BTBD9: variants seen among roughly 807,000 people sequenced by gnomAD.
The protein encoded by BTBD9 is BTB domain containing 9.
Under a neutral mutation model 64.3 loss-of-function variants are expected in BTBD9, and 49 were observed. The ratio of observed to expected loss-of-function variants is 0.76; its 90% CI spans 0.61 to 0.97. The LOEUF (loss-of-function observed/expected upper bound fraction) is 0.97. BTBD9 is among the 50% of genes least tolerant of loss of function. BTBD9 has a pLI of 0.00. For missense variants in BTBD9, 598 were observed against 762.1 expected (o/e 0.78, Z 2.53); for synonymous variants, 260 against 274.7 (o/e 0.95, Z 0.53).
At chr6:38,500,593 C>T (rs892168978) in intron 6 of BTBD9, among the ~76,000 whole-genome samples, 28 of 152,198 alleles carry the variant, frequency 1.8e-4, no homozygotes, top group African/African-American at 6.5e-4. Flanking sequence ...CAATTCTCTT[C>T]CATTAACTCT....
intron 6 of BTBD9, among the ~76,000 whole-genome samples, chr6:38,384,887 G>C (rs886824966): frequency 2.6e-5 from 4 of 151,904 alleles, no homozygotes; most frequent in Admixed American, 2.6e-4. Context: ...AGCAAGTTCT[G>C]TCCAGTGTTA....
At chr6:38,468,131 G>C (rs1429345946) in intron 6 of BTBD9, among the ~76,000 whole-genome samples, 1 of 151,818 alleles carries the variant, frequency 6.6e-6, no homozygotes, top group Non-Finnish European at 1.5e-5. Context: ...TTCCCACCTT[G>C]GCTTCCCGAA....
At chr6:38,430,916 AGCGTC>A in intron 6 of BTBD9, among the ~76,000 whole-genome samples, 1 of 151,978 alleles carries the variant, frequency 6.6e-6, no homozygotes, top group East Asian at 1.9e-4. Flanking sequence ...TACTCTTCTC[AGCGTC>A]ATTTGATGTG....
intron 9 of BTBD9, among the ~76,000 whole-genome samples, chr6:38,200,273 C>T (rs1036561711): frequency 1.3e-5 from 2 of 152,210 alleles, no homozygotes; most frequent in Non-Finnish European, 2.9e-5. Context: ...AAAAGCAGTA[C>T]TCAGAGGGAA....
chr6:38,553,094 G>A (rs1424432211), intron 6 of BTBD9, among the ~76,000 whole-genome samples: 1 of 152,124 alleles, frequency 6.6e-6, no homozygotes, highest in African/African-American at 2.4e-5. Context: ...TATGTATATA[G>A]TTGGTGCACT....
chr6:38,410,790 G>C (rs535233206), intron 6 of BTBD9, among the ~76,000 whole-genome samples: 39 of 152,246 alleles, frequency 2.6e-4, no homozygotes, highest in African/African-American at 8.7e-4. Flanking sequence ...CACTTTGGGA[G>C]GCTGAGGTGG....
chr6:38,417,800 G>GA (rs10694538), intron 6 of BTBD9, among the ~76,000 whole-genome samples: 5 of 142,932 alleles, frequency 3.5e-5, no homozygotes, highest in Non-Finnish European at 6.0e-5. Flanking sequence ...GAGAGAGAGA[G>GA]AAAAAAAATA....
At chr6:38,430,933 T>A (rs1208219462) in intron 6 of BTBD9, among the ~76,000 whole-genome samples, 1 of 152,014 alleles carries the variant, frequency 6.6e-6, no homozygotes, top group African/African-American at 2.4e-5. Flanking sequence ...TTTGATGTGG[T>A]TGACTTCTGT....
intron 7 of BTBD9, among the ~76,000 whole-genome samples, chr6:38,342,774 T>C (rs978364833): frequency 5.9e-5 from 9 of 152,116 alleles, no homozygotes; most frequent in African/African-American, 1.9e-4. Flanking sequence ...CAAGGACCAG[T>C]AGGGTGACTG....
chr6:38,245,435 G>T (rs912440170), intron 9 of BTBD9, among the ~76,000 whole-genome samples: 1 of 152,168 alleles, frequency 6.6e-6, no homozygotes, highest in Non-Finnish European at 1.5e-5. Context: ...CATGGCATGC[G>T]CAAAGGCTCT....
At chr6:38,573,280 TACA>T (rs1775861152) in intron 6 of BTBD9, among the ~76,000 whole-genome samples, 1 of 152,156 alleles carries the variant, frequency 6.6e-6, no homozygotes, top group African/African-American at 2.4e-5. Context: ...AGAAATTGAG[TACA>T]ACATTTCCAG....
chr6:38,412,792 G>C (rs1209618078), intron 6 of BTBD9, among the ~76,000 whole-genome samples: 1 of 152,122 alleles, frequency 6.6e-6, no homozygotes, highest in African/African-American at 2.4e-5. Flanking sequence ...CCAGGAGGTG[G>C]AGGTTGCAGT....
chr6:38,363,234 A>G (rs953028899), intron 6 of BTBD9, among the ~76,000 whole-genome samples: 3 of 152,126 alleles, frequency 2.0e-5, no homozygotes, highest in African/African-American at 4.8e-5. Context: ...GACTACAGGT[A>G]TGCACCACTG....
At chr6:38,245,959 G>C (rs537931817) in intron 9 of BTBD9, among the ~76,000 whole-genome samples, 1 of 152,130 alleles carries the variant, frequency 6.6e-6, no homozygotes, top group African/African-American at 2.4e-5. Flanking sequence ...AGAATAACGT[G>C]GCTCCTGGGT....
At chr6:38,248,319 T>C (rs933399231) in intron 9 of BTBD9, among the ~76,000 whole-genome samples, 4 of 152,218 alleles carry the variant, frequency 2.6e-5, no homozygotes, top group Admixed American at 6.5e-5. Context: ...ACTAGGTAGT[T>C]CCATATTAGG....
At position 38,290,566 on chromosome 6, in the gene BTBD9, C is replaced by T. The variant is rs537175698; in HGVS notation, c.1265-2105G>A. ...TTCACTCACCCTATGTATTCAGTGA[C>T]GATCAGCCAGGAGGCTCTGCTCATT... On this transcript the variant is annotated intron_variant, in intron 7 of 10. Coordinates refer to ENST00000481247, the MANE Select transcript of BTBD9 (RefSeq NM_001099272.2). Among the ~76,000 whole-genome samples the T allele has an allele frequency of 1.4e-4, 21 of 152,204 alleles. 2 individuals are homozygous for T. The South Asian group carries it at 1.7e-3, about 12-fold the overall frequency.
At chr6:38,613,483 A>C (rs1314485413) in intron 1 of BTBD9, among the ~76,000 whole-genome samples, 1 of 152,092 alleles carries the variant, frequency 6.6e-6, no homozygotes, top group Non-Finnish European at 1.5e-5. Context: ...TTAGCTGGGC[A>C]TGATGGCGGG....
At chr6:38,432,127 G>GT (rs1462689159) in intron 6 of BTBD9, among the ~76,000 whole-genome samples, 2 of 152,020 alleles carry the variant, frequency 1.3e-5, no homozygotes, top group Non-Finnish European at 2.9e-5. Context: ...AGGCTATCAT[G>GT]TTTTGTCTCT....
At chr6:38,437,859 G>A (rs1301451348) in intron 6 of BTBD9, among the ~76,000 whole-genome samples, 1 of 151,858 alleles carries the variant, frequency 6.6e-6, no homozygotes, top group East Asian at 1.9e-4. Flanking sequence ...TTCTGGGTGG[G>A]GAATGGGAAA....
Sources: gnomAD v4.1 joint callset for allele counts (sites outside exome capture counted in the v4.1 genomes callset) on GRCh38, gnomAD v4.1.1 for gene constraint, MANE v1.5 for transcripts, NCBI Gene and HGNC (gene_info 2026-07-23, HGNC 2026-07-21) for gene names.